Variants in TET2 observed in about 807,000 individuals in gnomAD.
TET2 encodes the protein methylcytosine dioxygenase TET2.
TET2 carries 299 observed loss-of-function variants against 142.9 expected under a neutral mutation model. That is an observed-to-expected ratio of 2.09 (90% confidence interval 1.90 to 2.30). The LOEUF is 2.30. Ranked by LOEUF, TET2 falls within the 30% of genes most tolerant of loss-of-function variation. The probability of loss-of-function intolerance (pLI) is 0.00; values close to 1 mark genes in which losing one functional copy is unlikely to be tolerated. For synonymous variants in TET2, 819 were observed against 849.0 expected (o/e 0.96, Z 0.61); for missense variants, 2,418 against 2,378.0 (o/e 1.02, Z -0.35).
chr4:105,161,694 A>T (rs1015412348), intron 1 of TET2, among the ~76,000 whole-genome samples: 13 of 152,268 alleles, frequency 8.5e-5, no homozygotes, highest in African/African-American at 3.1e-4. Flanking sequence ...CTACTAAAAA[A>T]GGGATTCAAA....
At chr4:105,201,732 CTTTTTTTTT>C (rs70964636) in intron 2 of TET2, among the ~76,000 whole-genome samples, 56 of 63,068 alleles carry the variant, frequency 8.9e-4, no homozygotes, top group Non-Finnish European at 9.9e-4. Context: ...CATCCAGGAC[CTTTTTTTTT>C]TTTTTTTTTT....
At chr4:105,262,918 TA>T (rs545540714) in intron 8 of TET2, among the ~76,000 whole-genome samples, 57 of 151,010 alleles carry the variant, frequency 3.8e-4, no homozygotes, top group Admixed American at 4.6e-4. Context: ...CTGGGTGCGG[TA>T]GTTTATGCCT....
chr4:105,188,589 G>A (rs1263370601), intron 1 of TET2, among the ~76,000 whole-genome samples: 2 of 152,140 alleles, frequency 1.3e-5, no homozygotes, highest in Non-Finnish European at 1.5e-5. Flanking sequence ...TATTTATGAG[G>A]CTAAAAGTGG....
chr4:105,175,988 T>TA (rs1158114589), intron 1 of TET2, among the ~76,000 whole-genome samples: 1 of 152,052 alleles, frequency 6.6e-6, no homozygotes, highest in Non-Finnish European at 1.5e-5. Flanking sequence ...AGTTAAGAAA[T>TA]AAAGTCTGTC....
At chr4:105,147,339 G>A (rs1447176077) in intron 1 of TET2, 1 of 152,164 alleles carries the variant, frequency 6.6e-6, no homozygotes, top group Non-Finnish European at 1.5e-5. Flanking sequence ...CAGCTTTGGG[G>A]GCACTACTTT....
intron 1 of TET2, among the ~76,000 whole-genome samples, chr4:105,189,544 C>T (rs559031822): frequency 1.1e-4 from 16 of 152,306 alleles, no homozygotes; most frequent in African/African-American, 2.6e-4. Context: ...CTCAAAACAA[C>T]GCTTTCTCCC....
intron 8 of TET2, among the ~76,000 whole-genome samples, chr4:105,266,539 A>G (rs1452492950): frequency 6.6e-6 from 1 of 152,150 alleles, no homozygotes; most frequent in Non-Finnish European, 1.5e-5. Context: ...ATCATATTTC[A>G]TATGTTAAAA....
At chr4:105,209,060 T>TATATATATAC (rs2110537867) in intron 2 of TET2, among the ~76,000 whole-genome samples, 1 of 67,832 alleles carries the variant, frequency 1.5e-5, no homozygotes, top group South Asian at 4.3e-4. Context: ...TATATATATA[T>TATATATATAC]ATATATATAT....
rs1728675742 is a variant in TET2 at position 105,234,076 on chromosome 4, A to G, written c.134A>G (p.His45Arg). The change falls in exon 3 of 11, where the codon CAT becomes CGT. Residue 45 changes from histidine to arginine, a missense_variant. Physicochemically the swap from His to Arg is conservative, Grantham distance 29. Transcript: ENST00000380013. ...QNGSPLPERA[H>R]PEVNGDTKWH... is the part of the protein sequence containing the mutation. ...GGAAGCCCACTGCCTGAGAGAGCTC[A>G]TCCAGAAGTAAATGGAGACACCAAG... 6.2e-7 allele frequency: 1 copy of G among 1,613,962 alleles called. No homozygotes were observed. The highest frequency in any genetic ancestry group is 1.1e-5 in the South Asian group (1 of 91,086).
chr4:105,169,669 A>G (rs1442131498), intron 1 of TET2, among the ~76,000 whole-genome samples: 1 of 152,136 alleles, frequency 6.6e-6, no homozygotes, highest in African/African-American at 2.4e-5. Context: ...CAATGTCTAG[A>G]AGGGTTTTTC....
chr4:105,278,644 T>C lies in TET2; in HGVS notation c.*2125T>C, dbSNP rs1417063859. 1.7e-5 allele frequency: 4 copies of C among 232,406 alleles called. No homozygotes were observed. Among genetic ancestry groups the C allele is most frequent in the Non-Finnish European group, 3.4e-5 (4 of 117,622 alleles). The allele number at this position is 232,406 out of a possible 1,614,324, so 14.4% of individuals were successfully genotyped here. ...GTACATGTGCTGATGTAACTAAAAC[T>C]AATTTTGTAAATCTGTTGGCTCTTT... On this transcript the variant is annotated 3_prime_UTR_variant, in exon 11 of 11. Coordinates refer to ENST00000380013, the MANE Select transcript of TET2 (RefSeq NM_001127208.3).
In TET2 at chr4:105,275,979, T is replaced by A. The variant is rs1405553446; in HGVS notation, c.5469T>A (p.Asn1823Lys). 7.1e-6 allele frequency: 11 copies of A among 1,551,612 alleles called. No individual in the cohort carries two copies. Among genetic ancestry groups the A allele is most frequent in the African/African-American group, 2.7e-5 (2 of 73,044 alleles). The stretch of plus-strand genomic sequence containing the variant: ...GCTTACACAAATTAAGTGATGCTAA[T>A]GGTCAGGAAAAGCAGCCATTGGCAC... ...QGGLHKLSDA[N>K]GQEKQPLALV... Residue 1823 changes from asparagine (N) to lysine (K), a missense_variant, in exon 11 of 11, where the codon AAT (asparagine) becomes AAA (lysine). By Grantham distance (94) the Asn-to-Lys change is moderately conservative. Transcript: ENST00000380013.
chr4:105,232,297 G>A (rs1415707735), intron 2 of TET2, among the ~76,000 whole-genome samples: 2 of 151,988 alleles, frequency 1.3e-5, no homozygotes, highest in East Asian at 3.9e-4. Flanking sequence ...CCATGTCTTC[G>A]CTATCATTAA....
In TET2 at chr4:105,275,798, T is replaced by A; in HGVS notation, c.5288T>A (p.Ile1763Asn). 1 of 1,551,658 alleles carries A rather than the reference T, an allele frequency of 6.4e-7. No homozygotes were observed. The highest frequency in any genetic ancestry group is 8.7e-7 in the Non-Finnish European group (1 of 1,146,988). ...NGEHHSPSHIIHNYSAAPGMF... is the reference protein window; with the variant it reads ...NGEHHSPSHINHNYSAAPGMF... ...GAACATCATTCACCTTCTCACATAA[T>A]CCATAACTACAGTGCAGCTCCGGGC... Residue 1763 changes from isoleucine (I) to asparagine (N), a missense_variant, in exon 11 of 11, where the codon ATC becomes AAC. By Grantham distance (149) the Ile-to-Asn change is moderately radical (BLOSUM62 -3). Transcript: ENST00000380013.
At chr4:105,257,359 G>A (rs1730189627) in intron 6 of TET2, among the ~76,000 whole-genome samples, 1 of 152,010 alleles carries the variant, frequency 6.6e-6, no homozygotes, top group Non-Finnish European at 1.5e-5. Context: ...GTTTCTGGTG[G>A]TTGTTGTTTA....
At chr4:105,196,509 C>CT (rs947819185) in intron 2 of TET2, among the ~76,000 whole-genome samples, 3 of 152,182 alleles carry the variant, frequency 2.0e-5, no homozygotes, top group Admixed American at 2.0e-4. Flanking sequence ...AAACTCTATG[C>CT]TTGATATTCC....
intron 1 of TET2, among the ~76,000 whole-genome samples, chr4:105,169,928 C>G (rs1038223548): frequency 2.7e-5 from 4 of 147,800 alleles, no homozygotes; most frequent in Admixed American, 6.6e-5. Context: ...CTCTATCCCC[C>G]CATTGGTCTC....
chr4:105,218,427 C>T (rs747339856), intron 2 of TET2, among the ~76,000 whole-genome samples: 19 of 152,034 alleles, frequency 1.2e-4, no homozygotes, highest in Non-Finnish European at 2.1e-4. Flanking sequence ...TATGCCATGC[C>T]GTTTCGTTCT....
chr4:105,210,700 ATTCCT>A (rs1314387760), intron 2 of TET2, among the ~76,000 whole-genome samples: 1 of 152,124 alleles, frequency 6.6e-6, no homozygotes, highest in Non-Finnish European at 1.5e-5. Context: ...TCTTGCTTTC[ATTCCT>A]TTCATGTACT....
Sources: allele counts gnomAD v4.1 joint callset (sites outside exome capture counted in the v4.1 genomes callset), GRCh38; gene constraint gnomAD v4.1.1; transcripts MANE v1.5; gene names NCBI Gene and HGNC (gene_info 2026-07-23, HGNC 2026-07-21).